The following ARHGEF6 variants were observed in gnomAD, a reference collection of about 807,000 sequenced individuals.
ARHGEF6 encodes rho guanine nucleotide exchange factor 6.
Under a neutral mutation model 70.3 loss-of-function variants are expected in ARHGEF6, and 9 were observed. That is an observed-to-expected ratio of 0.13 (90% confidence interval 0.08 to 0.22). ARHGEF6 has a LOEUF of 0.22. Ranked by LOEUF, ARHGEF6 falls within the 10% of genes least tolerant of loss-of-function variation. The pLI is 1.00. For synonymous variants in ARHGEF6, 201 were observed against 207.8 expected (o/e 0.97, Z 0.28); for missense variants, 470 against 563.0 (o/e 0.83, Z 1.67).
intron 2 of ARHGEF6, chrX:136,767,327 G>A (rs1053899838): frequency 6.6e-6 from 5 of 753,737 alleles, no homozygotes; most frequent in Admixed American, 8.6e-5. Flanking sequence ...GAGCGCGGCC[G>A]CCACCAGGGC....
chrX:136,780,588 A>C, intron 1 of ARHGEF6, 130 bp downstream of exon 1: 1 of 651,125 alleles, frequency 1.5e-6, no homozygotes, highest in Non-Finnish European at 2.5e-6. Flanking sequence ...GTAAGAAAGA[A>C]TGTCTAACTC....
chrX:136,695,249 C>G (rs2148600059), intron 9 of ARHGEF6, among the ~76,000 whole-genome samples: 1 of 111,974 alleles, frequency 8.9e-6, no homozygotes, highest in East Asian at 2.8e-4. Flanking sequence ...TAATTTTCAT[C>G]CCTTTTACCT....
chrX:136,717,409 G>A (rs1366784964), intron 6 of ARHGEF6, among the ~76,000 whole-genome samples: 1 of 111,350 alleles, frequency 9.0e-6, no homozygotes, highest in Non-Finnish European at 1.9e-5. Flanking sequence ...GACTTTTTCA[G>A]ACAAACAAAA....
At chrX:136,744,516 T>A (rs1199699838) in intron 4 of ARHGEF6, among the ~76,000 whole-genome samples, 1 of 111,693 alleles carries the variant, frequency 9.0e-6, no homozygotes, top group Non-Finnish European at 1.9e-5. Context: ...TTTGAGAGGG[T>A]ACCAGGGGTG....
At chrX:136,686,709 C>CATAT (rs35706788) in intron 11 of ARHGEF6, among the ~76,000 whole-genome samples, 951 of 63,062 alleles carry the variant, frequency 0.015, 4 homozygotes, top group East Asian at 0.033. Context: ...TATATATATA[C>CATAT]ATATATATAT....
intron 6 of ARHGEF6, among the ~76,000 whole-genome samples, chrX:136,730,297 A>G (rs2076922092): frequency 9.0e-6 from 1 of 111,388 alleles, no homozygotes; most frequent in African/African-American, 3.3e-5. Context: ...TGTGGATGAA[A>G]TAGATTTTTT....
chrX:136,780,705 A>G lies in ARHGEF6; in HGVS notation c.165+13T>C. ...TGATAAGCAATCCCAAAGAGACTGC[A>G]AATTTCCCTTACCTTTTCCACAGAG... On this transcript the variant is annotated intron_variant, in intron 1 of 21. Transcript: ENST00000250617. The G allele has an allele frequency of 1.7e-6, 2 of 1,207,910 alleles. No homozygotes were observed. The highest frequency in any genetic ancestry group is 2.2e-6 in the Non-Finnish European group (2 of 891,945).
At chrX:136,705,581 A>C (rs920246417) in intron 9 of ARHGEF6, among the ~76,000 whole-genome samples, 9 of 111,854 alleles carry the variant, frequency 8.0e-5, no homozygotes, top group Non-Finnish European at 1.7e-4. Flanking sequence ...TGGTAATAAT[A>C]ATAACTCCCT....
intron 9 of ARHGEF6, among the ~76,000 whole-genome samples, chrX:136,705,355 C>T (rs767970150): frequency 7.2e-5 from 8 of 110,850 alleles, no homozygotes; most frequent in African/African-American, 2.6e-4. Context: ...CTTTCTATTG[C>T]TTAAGCCAGG....
chrX:136,705,847 C>CT (rs2076621527), intron 9 of ARHGEF6, among the ~76,000 whole-genome samples: 1 of 112,462 alleles, frequency 8.9e-6, no homozygotes, highest in Non-Finnish European at 1.9e-5. Flanking sequence ...ATAAATATTG[C>CT]ACCTTAATAA....
intron 2 of ARHGEF6, among the ~76,000 whole-genome samples, chrX:136,764,348 ACAGCAAACAAAAAC>A (rs2148679390): frequency 8.9e-6 from 1 of 112,037 alleles, no homozygotes; most frequent in South Asian, 3.7e-4. Flanking sequence ...AGCATTGTTC[ACAGCAAACAAAAAC>A]TGGAAACAAT....
chrX:136,690,860 GT>G (rs1488870132), intron 9 of ARHGEF6, 112 bp from the exon 10 acceptor site: 3 of 853,331 alleles, frequency 3.5e-6, no homozygotes, highest in Non-Finnish European at 3.3e-6. Flanking sequence ...ATAAAAATGT[GT>G]TTTACTAGTC....
rs1603334492 is a variant in ARHGEF6 at position 136,680,996 on chromosome X, T to G, written c.1559-120A>C. The G allele has an allele frequency of 8.9e-6, 7 of 785,889 alleles. No homozygotes were observed. In the East Asian group the frequency reaches 2.2e-4, roughly 25 times the overall value. The allele number at this position is 785,889 out of a possible 1,213,427, so 64.8% of individuals were successfully genotyped here. A position where few individuals can be genotyped will look rare whatever the true frequency, so the allele number is the denominator to read the frequency against. On this transcript the variant is annotated intron_variant, in intron 14 of 21. Coordinates refer to ENST00000250617, the MANE Select transcript of ARHGEF6 (RefSeq NM_004840.3). ...GGGTGTGTATTTTCAGGGGTTTTCA[T>G]ACCTATGGGATAACCCTGCTGAAAT...
chrX:136,735,956 T>C (rs930876262), intron 5 of ARHGEF6, among the ~76,000 whole-genome samples: 12 of 111,790 alleles, frequency 1.1e-4, no homozygotes, highest in Non-Finnish European at 2.3e-4. Context: ...ATCCCCTCAA[T>C]TGATATCTAT....
At chrX:136,720,233 T>A (rs900841107) in intron 6 of ARHGEF6, among the ~76,000 whole-genome samples, 1 of 111,274 alleles carries the variant, frequency 9.0e-6, no homozygotes, top group African/African-American at 3.3e-5. Flanking sequence ...ACAAAAATCA[T>A]CAACAAAATA....
In ARHGEF6 at chrX:136,667,714, C is replaced by G; in HGVS notation, c.*315G>C. 1 of 322,022 alleles carries G rather than the reference C, an allele frequency of 3.1e-6. No individual in the cohort carries two copies. The highest frequency in any genetic ancestry group is 5.5e-6 in the Non-Finnish European group (1 of 181,149). 26.5% of individuals were successfully genotyped at this position (322,022 alleles called of 1,213,427 possible). On this transcript the variant is annotated 3_prime_UTR_variant, in exon 22 of 22. Transcript: ENST00000250617. Reference sequence around the variant, plus strand: ...TCTGAAGACCTTTTAAGTAACTGGCCTGCATTCCCTTTCTCTTTCTTACTG... The same window carrying G: ...TCTGAAGACCTTTTAAGTAACTGGCGTGCATTCCCTTTCTCTTTCTTACTG...
intron 5 of ARHGEF6, among the ~76,000 whole-genome samples, chrX:136,739,418 C>T (rs1489269599): frequency 8.9e-6 from 1 of 111,772 alleles, no homozygotes; most frequent in Non-Finnish European, 1.9e-5. Flanking sequence ...GGGACGGGGT[C>T]TATGAGGTAT....
intron 9 of ARHGEF6, among the ~76,000 whole-genome samples, chrX:136,696,478 T>G (rs1429383838): frequency 9.2e-6 from 1 of 108,674 alleles, no homozygotes; most frequent in African/African-American, 3.4e-5. Context: ...ATTAGCTGAG[T>G]GTGGTGGTGT....
chrX:136,775,667 G>A (rs1414657802), intron 2 of ARHGEF6, among the ~76,000 whole-genome samples: 2 of 111,216 alleles, frequency 1.8e-5, no homozygotes, highest in African/African-American at 3.3e-5. Context: ...CACCATTTCT[G>A]TTCAACATAG....
Sources: allele counts gnomAD v4.1 joint callset (sites outside exome capture counted in the v4.1 genomes callset), GRCh38; gene constraint gnomAD v4.1.1; transcripts MANE v1.5; gene names NCBI Gene and HGNC (gene_info 2026-07-23, HGNC 2026-07-21).